KLF8: variants seen among roughly 807,000 people sequenced by gnomAD.
The protein encoded by KLF8 is Krueppel-like factor 8.
KLF8 carries 10 observed loss-of-function variants against 18.2 expected under a neutral mutation model. The observed-to-expected ratio is 0.55, with a 90% CI of 0.34 to 0.93. The LOEUF (loss-of-function observed/expected upper bound fraction) is 0.93. Among genes scored for constraint, KLF8 ranks in the 40% least tolerant of loss-of-function variants. The pLI, the probability that KLF8 is intolerant of heterozygous loss-of-function variation, is 0.02. For synonymous variants in KLF8, 109 were observed against 97.3 expected, an observed-to-expected ratio of 1.12 and a Z score of -0.71; for missense variants, 264 against 277.9, an observed-to-expected ratio of 0.95 and a Z score of 0.36.
the KLF8 span, among the ~76,000 whole-genome samples, chrX:56,221,179 C>G: frequency 8.9e-6 from 1 of 111,903 alleles, no homozygotes; most frequent in Non-Finnish European, 1.9e-5. Context: ...ATCATCAGAA[C>G]TAGTTCTGAA....
At chrX:56,138,552 A>G in the KLF8 span, among the ~76,000 whole-genome samples, 4 of 111,619 alleles carry the variant, frequency 3.6e-5, no homozygotes, top group Admixed American at 2.9e-4. Flanking sequence ...CATCAATGGA[A>G]CTAAAAACAA....
the KLF8 span, among the ~76,000 whole-genome samples, chrX:56,198,729 G>GA: frequency 1.8e-5 from 2 of 111,628 alleles, no homozygotes; most frequent in African/African-American, 6.5e-5. Context: ...CACAGAATTG[G>GA]AAAAAACTAC....
chrX:56,246,010 T>C (rs2066618226), intron 1 of KLF8, among the ~76,000 whole-genome samples: 1 of 112,285 alleles, frequency 8.9e-6, no homozygotes. Flanking sequence ...TCTTTCCTTA[T>C]AGTCATTCCT....
the KLF8 span, among the ~76,000 whole-genome samples, chrX:55,938,319 A>T: frequency 2.7e-5 from 3 of 111,668 alleles, no homozygotes; most frequent in South Asian, 1.1e-3. Flanking sequence ...CAGACAAGCA[A>T]ATGCTGAGAG....
chrX:56,016,132 A>G, the KLF8 span, among the ~76,000 whole-genome samples: 4 of 111,762 alleles, frequency 3.6e-5, no homozygotes, highest in Admixed American at 3.8e-4. Flanking sequence ...TTGGGTTCAC[A>G]TCTTAGCTCA....
the KLF8 span, among the ~76,000 whole-genome samples, chrX:56,188,970 C>T: frequency 8.9e-6 from 1 of 111,765 alleles, no homozygotes; most frequent in African/African-American, 3.3e-5. Flanking sequence ...GCAAGGACTT[C>T]ATGTCTAAAA....
intron 5 of KLF8, 81 bp downstream of exon 5, chrX:56,270,402 G>A: frequency 2.0e-6 from 2 of 983,356 alleles, no homozygotes; most frequent in Non-Finnish European, 2.6e-6. Context: ...GAGAGAGAGG[G>A]GCAGAGAGAG....
chrX:56,172,569 T>C, the KLF8 span, among the ~76,000 whole-genome samples: 2 of 111,913 alleles, frequency 1.8e-5, no homozygotes, highest in African/African-American at 3.2e-5. Flanking sequence ...TAAACATATG[T>C]GTGCATGTGT....
the KLF8 span, among the ~76,000 whole-genome samples, chrX:55,983,987 T>C: frequency 9.1e-6 from 1 of 109,814 alleles, no homozygotes; most frequent in Non-Finnish European, 1.9e-5. Flanking sequence ...TAGTATTCTA[T>C]GGTATATGTG....
the KLF8 span, among the ~76,000 whole-genome samples, chrX:56,140,213 C>A: frequency 8.9e-6 from 1 of 112,197 alleles, no homozygotes; most frequent in Admixed American, 9.5e-5. Flanking sequence ...TCTCAAAGAA[C>A]TTAAAACAGA....
the KLF8 span, among the ~76,000 whole-genome samples, chrX:55,910,886 A>G: frequency 8.9e-6 from 1 of 111,838 alleles, no homozygotes; most frequent in East Asian, 2.8e-4. Context: ...TATAAAATAA[A>G]TATCTGAAGA....
chrX:56,252,337 C>T (rs2066726808), intron 2 of KLF8, among the ~76,000 whole-genome samples: 1 of 111,417 alleles, frequency 9.0e-6, no homozygotes, highest in African/African-American at 3.3e-5. Context: ...TTTTTTCGTA[C>T]ACATTCACCA....
the KLF8 span, among the ~76,000 whole-genome samples, chrX:56,183,846 C>A: frequency 1.8e-5 from 2 of 111,463 alleles, no homozygotes; most frequent in African/African-American, 6.5e-5. Context: ...AATCAAAACA[C>A]AGAAAACGGC....
At chrX:56,234,335 G>A (rs2066445552) in intron 1 of KLF8, among the ~76,000 whole-genome samples, 1 of 111,722 alleles carries the variant, frequency 9.0e-6, no homozygotes, top group Non-Finnish European at 1.9e-5. Flanking sequence ...CCTGGGCCTT[G>A]CTTTTCTCTT....
At chrX:56,108,335 G>C in the KLF8 span, among the ~76,000 whole-genome samples, 1 of 111,496 alleles carries the variant, frequency 9.0e-6, no homozygotes, top group Non-Finnish European at 1.9e-5. Context: ...TTAGTTGTGG[G>C]CTTTCCATAA....
chrX:55,967,677 A>T, the KLF8 span, among the ~76,000 whole-genome samples: 1 of 111,848 alleles, frequency 8.9e-6, no homozygotes, highest in Non-Finnish European at 1.9e-5. Flanking sequence ...GAAGGTACAA[A>T]ACTCACGGGT....
chrX:56,110,906 G>A, the KLF8 span, among the ~76,000 whole-genome samples: 2 of 111,296 alleles, frequency 1.8e-5, no homozygotes, highest in Non-Finnish European at 1.9e-5. Flanking sequence ...TATTTATATA[G>A]TTACCTTTAC....
the KLF8 span, among the ~76,000 whole-genome samples, chrX:56,226,026 A>G: frequency 8.9e-6 from 1 of 112,368 alleles, no homozygotes; most frequent in South Asian, 3.7e-4. Flanking sequence ...GAAATATGTC[A>G]GAGTGCTGTA....
chrX:56,099,665 C>T, the KLF8 span, among the ~76,000 whole-genome samples: 1 of 111,665 alleles, frequency 9.0e-6, no homozygotes, highest in African/African-American at 3.3e-5. Flanking sequence ...TGCAAAACAG[C>T]CTTGTTGATG....
Sources: allele counts gnomAD v4.1 joint callset (sites outside exome capture counted in the v4.1 genomes callset), GRCh38; gene constraint gnomAD v4.1.1; transcripts MANE v1.5; gene names NCBI Gene and HGNC (gene_info 2026-07-23, HGNC 2026-07-21).